DMC1: variants seen among roughly 807,000 people sequenced by gnomAD.
The protein encoded by DMC1 is meiotic recombination protein DMC1 homolog.
DMC1 carries 27 observed loss-of-function variants against 50.1 expected under a neutral mutation model. The observed-to-expected ratio is 0.54, with a 90% CI of 0.40 to 0.74. The LOEUF is 0.74. Ranked by LOEUF, DMC1 falls within the 30% of genes least tolerant of loss-of-function variation. The pLI is 0.00. For synonymous variants in DMC1, 148 were observed against 136.1 expected, an observed-to-expected ratio of 1.09 and a Z score of -0.61; for missense variants, 295 against 420.2, an observed-to-expected ratio of 0.70 and a Z score of 2.60.
intron 7 of DMC1, among the ~76,000 whole-genome samples, chr22:38,552,254 T>C (rs2090421496): frequency 2.0e-5 from 3 of 152,212 alleles, no homozygotes; most frequent in African/African-American, 7.2e-5. Flanking sequence ...TATCTTTCGT[T>C]ATTTTGTTTA....
At chr22:38,525,143 C>T (rs1388104263) in intron 12 of DMC1, among the ~76,000 whole-genome samples, 1 of 152,160 alleles carries the variant, frequency 6.6e-6, no homozygotes, top group Non-Finnish European at 1.5e-5. Context: ...CCCAACTATA[C>T]TCTAAATATC....
the DMC1 span, among the ~76,000 whole-genome samples, chr22:38,510,041 C>T: frequency 4.6e-5 from 7 of 152,232 alleles, 1 homozygote; most frequent in Admixed American, 3.3e-4. Context: ...GATGAAACCC[C>T]GTCTCTCCTA....
Position 38,549,583 on chromosome 22 carries a change from C to T in DMC1, c.494+342G>A, listed in dbSNP as rs1387824559. On this transcript the variant is annotated intron_variant, in intron 8 of 13. Transcript: ENST00000216024. ...AGGTTGCAGTGAGCCGAGATTGCCC[C>T]ACTGGACTCCAGCCTGGGCAACAGG... 10 of 216,876 alleles carry T rather than the reference C, an allele frequency of 4.6e-5. No individual in the cohort carries two copies. In the East Asian group the frequency reaches 1.2e-3, roughly 26 times the overall value. The allele number at this position is 216,876 out of a possible 1,614,324, so 13.4% of individuals were successfully genotyped here. A position where few individuals can be genotyped will look rare whatever the true frequency, so the allele number is the denominator to read the frequency against.
chr22:38,535,176 G>A (rs1460432597), intron 12 of DMC1, among the ~76,000 whole-genome samples: 1 of 151,896 alleles, frequency 6.6e-6, no homozygotes, highest in Non-Finnish European at 1.5e-5. Flanking sequence ...GTAGGTGCCT[G>A]TAATTCCAGC....
the DMC1 span, among the ~76,000 whole-genome samples, chr22:38,512,533 T>G: frequency 6.6e-6 from 1 of 152,204 alleles, no homozygotes; most frequent in Non-Finnish European, 1.5e-5. Context: ...TTCCCTTATA[T>G]TCAGTCAAGT....
chr22:38,535,047 C>A (rs746915701), intron 12 of DMC1, among the ~76,000 whole-genome samples: 70 of 151,726 alleles, frequency 4.6e-4, no homozygotes, highest in Non-Finnish European at 7.9e-4. Flanking sequence ...TGCCTGTAAT[C>A]CCAGCACTTT....
downstream of DMC1, among the ~76,000 whole-genome samples, chr22:38,518,565 C>G (rs2145750868): frequency 6.6e-6 from 1 of 151,718 alleles, no homozygotes; most frequent in African/African-American, 2.4e-5. Flanking sequence ...GAGTCTCACT[C>G]TGTGACCCAG....
intron 12 of DMC1, among the ~76,000 whole-genome samples, chr22:38,532,808 G>A (rs1034415811): frequency 4.0e-5 from 6 of 150,950 alleles, no homozygotes; most frequent in Admixed American, 6.6e-5. Flanking sequence ...TTTTAGAGAC[G>A]AGGTCTGTCT....
chr22:38,548,619 A>C (rs11570412), intron 8 of DMC1, among the ~76,000 whole-genome samples: 1,621 of 152,290 alleles, frequency 0.011, 36 homozygotes, highest in African/African-American at 0.038. Flanking sequence ...CACGCCTATA[A>C]TTCCAACACT....
intron 12 of DMC1, among the ~76,000 whole-genome samples, chr22:38,527,516 CTTTTT>C (rs891065117): frequency 7.9e-6 from 1 of 127,278 alleles, no homozygotes; most frequent in African/African-American, 2.9e-5. Flanking sequence ...CCTTTTTCTC[CTTTTT>C]TTTTTTTTTT....
chr22:38,528,549 G>A (rs996045092), intron 12 of DMC1, among the ~76,000 whole-genome samples: 4 of 151,942 alleles, frequency 2.6e-5, no homozygotes, highest in African/African-American at 9.7e-5. Flanking sequence ...AAGGTGGGCA[G>A]ATTGCTTGTT....
intron 4 of DMC1, among the ~76,000 whole-genome samples, chr22:38,564,160 C>A (rs933674238): frequency 6.6e-6 from 1 of 152,112 alleles, no homozygotes; most frequent in Non-Finnish European, 1.5e-5. Context: ...TAGAGTGAGA[C>A]CTTGTCTCAA....
chr22:38,536,078 A>T (rs2090208714), intron 12 of DMC1, among the ~76,000 whole-genome samples: 2 of 151,718 alleles, frequency 1.3e-5, no homozygotes, highest in South Asian at 4.2e-4. Flanking sequence ...AAAATTAGCC[A>T]GGCGTGGCGA....
chr22:38,535,153 G>T (rs939945505), intron 12 of DMC1, among the ~76,000 whole-genome samples: 13 of 151,638 alleles, frequency 8.6e-5, no homozygotes, highest in African/African-American at 3.2e-4. Context: ...CAAAAAATTA[G>T]CCGGGTGTGG....
intron 12 of DMC1, among the ~76,000 whole-genome samples, chr22:38,536,888 T>C (rs900866124): frequency 1.3e-5 from 2 of 152,214 alleles, no homozygotes; most frequent in African/African-American, 4.8e-5. Flanking sequence ...TTTGCTCTTG[T>C]TGCACAAGCT....
intron 7 of DMC1, among the ~76,000 whole-genome samples, chr22:38,552,147 C>T (rs943235861): frequency 2.6e-5 from 4 of 152,110 alleles, no homozygotes; most frequent in Non-Finnish European, 5.9e-5. Flanking sequence ...AGGCGTGAGC[C>T]ACCGGGCCCG....
chr22:38,552,744 T>C, intron 6 of DMC1, 37 bp from the exon 7 acceptor site: 3 of 1,355,056 alleles, frequency 2.2e-6, no homozygotes, highest in Non-Finnish European at 1.1e-6. Context: ...TAAAAATGCA[T>C]AATTTCCAGA....
intron 12 of DMC1, 73 bp downstream of exon 12, chr22:38,537,519 T>C: frequency 7.0e-7 from 1 of 1,437,770 alleles, no homozygotes; most frequent in African/African-American, 1.4e-5. Context: ...GCCTTGAAAT[T>C]ATTTTCTATT....
intron 4 of DMC1, among the ~76,000 whole-genome samples, chr22:38,562,779 GTATACATATACATATATACACA>G (rs1291413098): frequency 3.3e-5 from 5 of 151,200 alleles, no homozygotes; most frequent in South Asian, 4.2e-4. Context: ...ACATATATGT[GTATACATATACATATATACACA>G]TATACATATA....
Sources: allele counts gnomAD v4.1 joint callset (sites outside exome capture counted in the v4.1 genomes callset), GRCh38; gene constraint gnomAD v4.1.1; transcripts MANE v1.5; gene names NCBI Gene and HGNC (gene_info 2026-07-23, HGNC 2026-07-21).